The following ZMYM4 variants were observed in gnomAD, a reference collection of about 807,000 sequenced individuals.
The protein encoded by ZMYM4 is zinc finger MYM-type containing 4.
In ZMYM4, 31 loss-of-function variants were observed where a neutral mutation model predicts 183.2. The ratio of observed to expected loss-of-function variants is 0.17; its 90% CI spans 0.13 to 0.23. The LOEUF (loss-of-function observed/expected upper bound fraction) is 0.23. Among genes scored for constraint, ZMYM4 ranks in the 10% least tolerant of loss-of-function variants. The pLI is 1.00. For missense variants in ZMYM4, 1,273 were observed against 1,840.3 expected (o/e 0.69, Z 5.64); for synonymous variants, 592 against 631.2 (o/e 0.94, Z 0.93).
rs139535337 is a variant in ZMYM4, at chr1:35,389,781, ATGTGTGTGTG to A, written c.2437-149_2437-140del. Among the ~76,000 whole-genome samples the A allele has an allele frequency of 6.4e-5, 9 of 141,426 alleles. No individual in the cohort carries two copies. The highest frequency in any genetic ancestry group is 8.0e-5 in the African/African-American group (3 of 37,598). 92.8% of individuals were successfully genotyped at this position (141,426 alleles called of 152,430 possible). A position where few individuals can be genotyped will look rare whatever the true frequency, so the allele number is the denominator to read the frequency against. On this transcript the variant is annotated intron_variant, in intron 14 of 29. Transcript: ENST00000314607. The surrounding 1 kb of genome is among the most constrained non-coding windows in gnomAD (Gnocchi z 4.0). ...AAAAAAAAAAAAAATATATATATAT[ATGTGTGTGTG>A]TGTGTGTGTGTGTGTGTATAATCAT... is the stretch of plus-strand genomic sequence containing the variant.
rs67591506 is a variant in ZMYM4, at chr1:35,371,062, AGTGTGTGTGT to A, written c.1181+471_1181+480del. ...TTCTTCTTAACCTTAAATGGCTTCC[AGTGTGTGTGT>A]GTGTGTGTGTGTGTGTGTGTGTGTG... On this transcript the variant is annotated intron_variant, in intron 7 of 29. Transcript: ENST00000314607. 2.5e-4 allele frequency among the ~76,000 whole-genome samples: 32 copies of A among 126,176 alleles called. No individual in the cohort carries two copies. In the South Asian group the frequency reaches 2.8e-3, roughly 11 times the overall value. 82.8% of individuals were successfully genotyped at this position (126,176 alleles called of 152,430 possible). A position where few individuals can be genotyped will look rare whatever the true frequency, so the allele number is the denominator to read the frequency against.
chr1:35,321,357 T>A (rs920894602), intron 1 of ZMYM4, among the ~76,000 whole-genome samples: 12 of 152,134 alleles, frequency 7.9e-5, no homozygotes, highest in African/African-American at 2.9e-4. Context: ...GAATTAAGAC[T>A]GGAAAAGCTT....
At chr1:35,334,964 A>G (rs1397227156) in intron 2 of ZMYM4, among the ~76,000 whole-genome samples, 1 of 152,200 alleles carries the variant, frequency 6.6e-6, no homozygotes, top group Non-Finnish European at 1.5e-5. Flanking sequence ...AAATTATTAA[A>G]CACAAAATAA....
chr1:35,344,344 G>C (rs892732517), intron 2 of ZMYM4, among the ~76,000 whole-genome samples: 1 of 152,084 alleles, frequency 6.6e-6, no homozygotes, highest in African/African-American at 2.4e-5. Context: ...GTAAGCCCCT[G>C]TGCCCAGCCG....
chr1:35,278,344 C>T (rs894479613), intron 1 of ZMYM4, among the ~76,000 whole-genome samples: 39 of 151,974 alleles, frequency 2.6e-4, no homozygotes, highest in Middle Eastern at 3.4e-3. Context: ...ACCCCTAAAA[C>T]TTCATTTACA....
At chr1:35,304,978 TG>T (rs1641467063) in intron 1 of ZMYM4, among the ~76,000 whole-genome samples, 1 of 152,156 alleles carries the variant, frequency 6.6e-6, no homozygotes, top group South Asian at 2.1e-4. Context: ...CCTAAGTAGG[TG>T]GTATTACAGG....
chr1:35,382,826 G>A (rs1432690117), intron 9 of ZMYM4, among the ~76,000 whole-genome samples: 1 of 152,046 alleles, frequency 6.6e-6, no homozygotes, highest in Non-Finnish European at 1.5e-5. Context: ...ATGAAGAAAT[G>A]CAGTGTATCT....
chr1:35,359,569 T>G (rs1643894103), intron 3 of ZMYM4, 123 bp downstream of exon 3: 15 of 1,039,056 alleles, frequency 1.4e-5, no homozygotes, highest in Non-Finnish European at 2.0e-5. Flanking sequence ...AAGCTTGTCA[T>G]TTTTCTTTTG....
In ZMYM4 at chr1:35,367,119, A is replaced by G. The variant is rs78135831; in HGVS notation, c.841-2910A>G. On this transcript the variant is annotated intron_variant, in intron 5 of 29. Transcript: ENST00000314607. ...GAAGTTTTGTAGAAGAATAATAGGC[A>G]TGCACATACACACACTTATTACACA... Among the ~76,000 whole-genome samples the G allele has an allele frequency of 5.8e-3, 879 of 152,306 alleles. 6 individuals carry two copies. The highest frequency in any genetic ancestry group is 0.02 in the African/African-American group (839 of 41,554).
intron 26 of ZMYM4, among the ~76,000 whole-genome samples, chr1:35,411,763 T>TA (rs1391067720): frequency 1.3e-5 from 2 of 152,258 alleles, no homozygotes; most frequent in Non-Finnish European, 2.9e-5. Context: ...AGTTGTTCTT[T>TA]AATTTTTGCT....
At chr1:35,386,027 G>A (rs182007671) in intron 10 of ZMYM4, 47 bp from the exon 11 acceptor site, 35 of 1,330,574 alleles carry the variant, frequency 2.6e-5, no homozygotes, top group Admixed American at 1.3e-4. Flanking sequence ...ATACTTTTGT[G>A]TACATTTGTA....
At chr1:35,320,737 G>T (rs1476497351) in intron 1 of ZMYM4, among the ~76,000 whole-genome samples, 3 of 152,194 alleles carry the variant, frequency 2.0e-5, no homozygotes, top group African/African-American at 7.2e-5. Flanking sequence ...CACACAGTTG[G>T]TGTCTGCTAG....
rs139535337 is a variant in ZMYM4, at chr1:35,389,781, A to ATGTGTGTGTGTGTGTGTGTG, written c.2437-159_2437-140dup. Among the ~76,000 whole-genome samples the ATGTGTGTGTGTGTGTGTGTG allele has an allele frequency of 1.3e-4, 19 of 141,474 alleles. No homozygotes were observed. The highest frequency in any genetic ancestry group is 4.9e-4 in the Admixed American group (7 of 14,164). The allele number at this position is 141,474 out of a possible 152,430, so 92.8% of individuals were successfully genotyped here. ...AAAAAAAAAAAAAATATATATATAT[A>ATGTGTGTGTGTGTGTGTGTG]TGTGTGTGTGTGTGTGTGTGTGTGT... On this transcript the variant is annotated intron_variant, in intron 14 of 29. Coordinates refer to ENST00000314607, the MANE Select transcript of ZMYM4 (RefSeq NM_005095.3). This position sits in a 1 kb window ranked among gnomAD's most constrained non-coding sequence, Gnocchi z 4.0.
chr1:35,323,406 A>G (rs181938772), intron 1 of ZMYM4, among the ~76,000 whole-genome samples: 1 of 152,302 alleles, frequency 6.6e-6, no homozygotes, highest in Non-Finnish European at 1.5e-5. Context: ...ATGAGAAGGA[A>G]TAATAGCATC....
intron 1 of ZMYM4, among the ~76,000 whole-genome samples, chr1:35,303,373 T>G (rs1239404790): frequency 6.6e-6 from 1 of 151,988 alleles, no homozygotes; most frequent in Admixed American, 6.6e-5. Flanking sequence ...GTAGTGGTGA[T>G]CTCTCTTTCA....
intron 28 of ZMYM4, among the ~76,000 whole-genome samples, chr1:35,417,640 C>CT (rs560349284): frequency 6.8e-4 from 104 of 151,960 alleles, no homozygotes; most frequent in Non-Finnish European, 1.4e-3. Flanking sequence ...GAGTTCAAGG[C>CT]TGCGGAGATT....
intron 13 of ZMYM4, among the ~76,000 whole-genome samples, chr1:35,388,188 A>C (rs1489596262): frequency 6.6e-6 from 1 of 152,102 alleles, no homozygotes; most frequent in Non-Finnish European, 1.5e-5. Context: ...CACATACCTA[A>C]ATAAAAGTTT....
At chr1:35,408,862 G>A (rs1639749093) in intron 26 of ZMYM4, among the ~76,000 whole-genome samples, 1 of 152,212 alleles carries the variant, frequency 6.6e-6, no homozygotes, top group Non-Finnish European at 1.5e-5. Context: ...TTAATGTGCA[G>A]TCATCACCAC....
chr1:35,328,809 A>G (rs1289250853), intron 2 of ZMYM4, among the ~76,000 whole-genome samples: 3 of 152,154 alleles, frequency 2.0e-5, no homozygotes, highest in Non-Finnish European at 4.4e-5. Context: ...AGCTACATAG[A>G]TGATATTCTG....
Sources: allele counts gnomAD v4.1 joint callset (sites outside exome capture counted in the v4.1 genomes callset), GRCh38; gene constraint gnomAD v4.1.1; non-coding constraint Gnocchi (gnomAD v3.1); transcripts MANE v1.5; gene names NCBI Gene and HGNC (gene_info 2026-07-23, HGNC 2026-07-21).